KLHL31: variants seen among roughly 807,000 people sequenced by gnomAD.
The protein encoded by KLHL31 is kelch like family member 31, also known as kelch-like protein 31.
KLHL31 carries 32 observed loss-of-function variants against 47.1 expected under a neutral mutation model. The ratio of observed to expected loss-of-function variants is 0.68; its 90% CI spans 0.51 to 0.91. KLHL31 has a LOEUF of 0.91. Among genes scored for constraint, KLHL31 ranks in the 40% least tolerant of loss-of-function variants. The probability of loss-of-function intolerance (pLI) is 0.00; values close to 1 mark genes in which losing one functional copy is unlikely to be tolerated. For synonymous variants in KLHL31, 330 were observed against 325.1 expected (o/e 1.01, Z -0.16); for missense variants, 797 against 819.3 (o/e 0.97, Z 0.33).
At chr6:53,657,511 A>C (rs931068625) in intron 1 of KLHL31, among the ~76,000 whole-genome samples, 3 of 152,186 alleles carry the variant, frequency 2.0e-5, no homozygotes, top group Non-Finnish European at 4.4e-5. Context: ...TAATCGGTGC[A>C]TAGTAATGCA....
rs1050190126 is a variant in KLHL31, at chr6:53,665,718, C to A, written c.-151G>T. 1 of 152,228 alleles carries A rather than the reference C, an allele frequency of 6.6e-6. No homozygotes were observed. The highest frequency in any genetic ancestry group is 2.4e-5 in the African/African-American group (1 of 41,376). The allele number at this position is 152,228 out of a possible 1,614,324, so 9.4% of individuals were successfully genotyped here. On this transcript the variant is annotated 5_prime_UTR_variant, in exon 1 of 3. Transcript: ENST00000370905. The stretch of plus-strand genomic sequence containing the variant: ...AGAAGGAAAATCCGGTGGGGAGCCA[C>A]CAGCAGCCACCTGACAAGACCCGGC...
In KLHL31 at chr6:53,665,602, C is replaced by CTCCT. The variant is rs1561988664; in HGVS notation, c.-39_-36dup. 1 of 152,404 alleles carries CTCCT rather than the reference C, an allele frequency of 6.6e-6. No individual in the cohort carries two copies. Among genetic ancestry groups the CTCCT allele is most frequent in the African/African-American group, 2.4e-5 (1 of 41,440 alleles). The allele number at this position is 152,404 out of a possible 1,614,324, so 9.4% of individuals were successfully genotyped here. A position where few individuals can be genotyped will look rare whatever the true frequency, so the allele number is the denominator to read the frequency against. On this transcript the variant is annotated splice_region_variant and 5_prime_UTR_variant, in exon 1 of 3. Transcript: ENST00000370905. The stretch of plus-strand genomic sequence containing the variant: ...GCGACTCTGGTCCCAGCTCCTTACC[C>CTCCT]TCCTTGGGTGAAGTGGCAGGTCAAC...
At chr6:53,657,351 A>T (rs955723719) in intron 1 of KLHL31, among the ~76,000 whole-genome samples, 3 of 152,182 alleles carry the variant, frequency 2.0e-5, no homozygotes, top group African/African-American at 7.2e-5. Context: ...AGCTCTTGTG[A>T]GCCAGTGCAA....
intron 1 of KLHL31, among the ~76,000 whole-genome samples, chr6:53,657,142 T>C (rs1764573421): frequency 6.6e-6 from 1 of 152,074 alleles, no homozygotes; most frequent in South Asian, 2.1e-4. Flanking sequence ...TTTCACCATG[T>C]TGCCCAGGCT....
chr6:53,662,961 G>T (rs1764668506), intron 1 of KLHL31, among the ~76,000 whole-genome samples: 1 of 149,420 alleles, frequency 6.7e-6, no homozygotes, highest in Non-Finnish European at 1.5e-5. Flanking sequence ...TGTACTATGT[G>T]CTGGGCCCTG....
At chr6:53,660,051 G>A (rs1028891437) in intron 1 of KLHL31, among the ~76,000 whole-genome samples, 1 of 152,102 alleles carries the variant, frequency 6.6e-6, no homozygotes, top group African/African-American at 2.4e-5. Flanking sequence ...TGATACATTA[G>A]CTAGTCTGAC....
Position 53,652,078 on chromosome 6 carries a change from T to G in KLHL31, c.1425A>C (p.Ile475=), listed in dbSNP as rs6928338. 1 allele frequency: 1,594,407 copies of G among 1,597,650 alleles called. 795,631 individuals are homozygous for G. The highest frequency in any genetic ancestry group is 1 in the East Asian group (44,716 of 44,716). ...ACACAGAGCGCGAGTAGGCGTTGGC[T>G]ATGTAGCCTCCGGTCACCAGCACGC... ...DGRVLVTGGY[I]ANAYSRSVCA... Residue 475 remains isoleucine (I), a synonymous_variant, in exon 3 of 3, where the codon ATA becomes ATC. Coordinates refer to ENST00000370905, the MANE Select transcript of KLHL31 (RefSeq NM_001003760.5).
At position 53,655,233 on chromosome 6, in the gene KLHL31, C is replaced by A. The variant is rs1310687108; in HGVS notation, c.40G>T (p.Asp14Tyr). 3 of 1,586,360 alleles carry A rather than the reference C, an allele frequency of 1.9e-6. No homozygotes were observed. The highest frequency in any genetic ancestry group is 2.6e-6 in the Non-Finnish European group (3 of 1,168,168). The change falls in exon 2 of 3, where the codon GAT (aspartate) becomes TAT (tyrosine). Residue 14 changes from aspartate (D) to tyrosine (Y), a missense_variant. By Grantham distance (160) the Asp-to-Tyr change is radical. Coordinates refer to ENST00000370905, the MANE Select transcript of KLHL31 (RefSeq NM_001003760.5). ...ACGATTATAGTCATCTCATTGATAT[C>A]TCCTTTGTTCTTTTTGACAATCTTC... is the stretch of plus-strand genomic sequence containing the variant. ...KKKIVKKNKG[D>Y]INEMTIIVED...
At position 53,650,412 on chromosome 6, in the gene KLHL31, G is replaced by C. The variant is rs551696975; in HGVS notation, c.*1186C>G. On this transcript the variant is annotated 3_prime_UTR_variant, in exon 3 of 3. Coordinates refer to ENST00000370905, the MANE Select transcript of KLHL31 (RefSeq NM_001003760.5). ...GAGATTAATAAAAATAGGACAGAAT[G>C]AGTATATATTTTTATATACGTGAGA... 2 of 152,114 alleles carry C rather than the reference G, an allele frequency of 1.3e-5. No homozygotes were observed. Among genetic ancestry groups the C allele is most frequent in the Non-Finnish European group, 2.9e-5 (2 of 68,032 alleles). The allele number at this position is 152,114 out of a possible 1,614,324, so 9.4% of individuals were successfully genotyped here.
At chr6:53,658,432 G>C (rs1764601995) in intron 1 of KLHL31, among the ~76,000 whole-genome samples, 1 of 152,114 alleles carries the variant, frequency 6.6e-6, no homozygotes. Context: ...GCATGTAAGG[G>C]TGATATTTAA....
intron 1 of KLHL31, among the ~76,000 whole-genome samples, chr6:53,662,139 G>A (rs1349597590): frequency 6.6e-6 from 1 of 152,128 alleles, no homozygotes; most frequent in Non-Finnish European, 1.5e-5. Flanking sequence ...CTCAGGTTAT[G>A]GTCTGCATGG....
chr6:53,654,932 T>C lies in KLHL31; in HGVS notation c.341A>G (p.Asn114Ser), dbSNP rs1369966270. ...KDPSIQRVDLNDISPLGLATV... is the reference protein window; with the variant it reads ...KDPSIQRVDLSDISPLGLATV... ...GGCCAGGCCTAGTGGTGAGATATCATTGAGATCCACCCTCTGAATTGACGG... is the reference window on the plus strand; with the variant it reads ...GGCCAGGCCTAGTGGTGAGATATCACTGAGATCCACCCTCTGAATTGACGG... Residue 114 changes from asparagine to serine, a missense_variant, in exon 2 of 3, where the codon AAT becomes AGT. Transcript: ENST00000370905. 13 of 1,614,178 alleles carry C rather than the reference T, an allele frequency of 8.1e-6. No homozygotes were observed. The highest frequency in any genetic ancestry group is 1.1e-5 in the Non-Finnish European group (13 of 1,180,000).
intron 1 of KLHL31, among the ~76,000 whole-genome samples, chr6:53,658,334 A>G (rs1764600745): frequency 2.0e-5 from 3 of 152,178 alleles, no homozygotes; most frequent in African/African-American, 4.8e-5. Flanking sequence ...TTTTAGAGGA[A>G]ATCCTGAGCC....
In KLHL31 at chr6:53,650,632, T is replaced by C. The variant is rs1289182954; in HGVS notation, c.*966A>G. On this transcript the variant is annotated 3_prime_UTR_variant, in exon 3 of 3. Transcript: ENST00000370905. Reference sequence around the variant, plus strand: ...TTGGTTGTGTAAACTTCAAGCTCTCTAAGCTTAAGGCTAATGGTCCTTAGG... The same window carrying C: ...TTGGTTGTGTAAACTTCAAGCTCTCCAAGCTTAAGGCTAATGGTCCTTAGG... 1 of 152,202 alleles carries C rather than the reference T, an allele frequency of 6.6e-6. No individual in the cohort carries two copies. Among genetic ancestry groups the C allele is most frequent in the Admixed American group, 6.5e-5 (1 of 15,280 alleles). The allele number at this position is 152,202 out of a possible 1,614,324, so 9.4% of individuals were successfully genotyped here. A position where few individuals can be genotyped will look rare whatever the true frequency, so the allele number is the denominator to read the frequency against.
chr6:53,654,685 C>T lies in KLHL31; in HGVS notation c.588G>A (p.Arg196=). Residue 196 remains arginine (R), a synonymous_variant, in exon 2 of 3, where the codon CGG becomes CGA. Transcript: ENST00000370905. Reference sequence around the variant, plus strand: ...ATTCTGCAAATTCAAGGAAGTTATCCCGAATAAATTTCTGGGCTGCTGCTT... The same window carrying T: ...ATTCTGCAAATTCAAGGAAGTTATCTCGAATAAATTTCTGGGCTGCTGCTT... ...NAKAAAQKFI[R]DNFLEFAESD... is the part of the protein sequence containing the mutation. 1 of 1,614,088 alleles carries T rather than the reference C, an allele frequency of 6.2e-7. No individual in the cohort carries two copies. Among genetic ancestry groups the T allele is most frequent in the Non-Finnish European group, 8.5e-7 (1 of 1,180,010 alleles).
Position 53,654,716 on chromosome 6 carries a change from T to C in KLHL31, c.557A>G (p.Asn186Ser). The C allele has an allele frequency of 6.2e-7, 1 of 1,614,196 alleles. No homozygotes were observed. Among genetic ancestry groups the C allele is most frequent in the Non-Finnish European group, 8.5e-7 (1 of 1,180,026 alleles). ...VNIAETYSLK[N>S]AKAAAQKFIR... The stretch of plus-strand genomic sequence containing the variant: ...AAATTTCTGGGCTGCTGCTTTTGCA[T>C]TTTTTAGGGAGTATGTTTCAGCAAT... The change falls in exon 2 of 3, where the codon AAT (asparagine) becomes AGT (serine). Residue 186 changes from asparagine (N) to serine (S), a missense_variant. By Grantham distance (46) the Asn-to-Ser change is conservative. Transcript: ENST00000370905.
Position 53,655,273 on chromosome 6 carries a change from G to A in KLHL31, c.-1C>T, listed in dbSNP as rs768884115. Reference sequence around the variant, plus strand: ...TGACAATCTTCTTTTTGGGTGCCATGTTGGCAAATACACTGTTACAGGCAA... The same window carrying A: ...TGACAATCTTCTTTTTGGGTGCCATATTGGCAAATACACTGTTACAGGCAA... On this transcript the variant is annotated 5_prime_UTR_variant, in exon 2 of 3. Transcript: ENST00000370905. 40 of 1,552,550 alleles carry A rather than the reference G, an allele frequency of 2.6e-5. No homozygotes were observed. In the East Asian group the frequency reaches 3.6e-4, roughly 14 times the overall value.
chr6:53,650,621 T>C lies in KLHL31; in HGVS notation c.*977A>G, dbSNP rs758617693. The stretch of plus-strand genomic sequence containing the variant: ...AATTATTGTTATTGGTTGTGTAAAC[T>C]TCAAGCTCTCTAAGCTTAAGGCTAA... On this transcript the variant is annotated 3_prime_UTR_variant, in exon 3 of 3. Transcript: ENST00000370905. 1 of 152,230 alleles carries C rather than the reference T, an allele frequency of 6.6e-6. No individual in the cohort carries two copies. The highest frequency in any genetic ancestry group is 2.4e-5 in the African/African-American group (1 of 41,452). The allele number at this position is 152,230 out of a possible 1,614,324, so 9.4% of individuals were successfully genotyped here. A position where few individuals can be genotyped will look rare whatever the true frequency, so the allele number is the denominator to read the frequency against.
intron 1 of KLHL31, among the ~76,000 whole-genome samples, chr6:53,658,096 T>C (rs1764596371): frequency 6.6e-6 from 1 of 152,236 alleles, no homozygotes; most frequent in South Asian, 2.1e-4. Flanking sequence ...CAAGCAGTTA[T>C]CAGATATCCA....
Sources: allele counts gnomAD v4.1 joint callset (sites outside exome capture counted in the v4.1 genomes callset), GRCh38; gene constraint gnomAD v4.1.1; transcripts MANE v1.5; gene names NCBI Gene and HGNC (gene_info 2026-07-23, HGNC 2026-07-21).